The following EIF4E3 variants were observed in gnomAD, a reference collection of about 807,000 sequenced individuals.
EIF4E3 encodes eukaryotic translation initiation factor 4E family member 3.
EIF4E3 carries 26 observed loss-of-function variants against 31.7 expected under a neutral mutation model. The observed-to-expected ratio is 0.82, with a 90% CI of 0.60 to 1.14. EIF4E3 has a LOEUF of 1.14. EIF4E3 is among the 50% of genes most tolerant of loss of function. The pLI is 0.00. For missense variants in EIF4E3, 304 were observed against 270.9 expected (o/e 1.12, Z -0.86); for synonymous variants, 128 against 107.7 (o/e 1.19, Z -1.17).
intron 1 of EIF4E3, among the ~76,000 whole-genome samples, chr3:71,712,718 T>A (rs903669893): frequency 4.6e-5 from 7 of 152,056 alleles, no homozygotes; most frequent in Non-Finnish European, 7.4e-5. Context: ...TTCAAAAAAA[T>A]TTTTTTAACT....
chr3:71,747,642 TTTTTC>T (rs2049887108), intron 1 of EIF4E3, among the ~76,000 whole-genome samples: 1 of 152,198 alleles, frequency 6.6e-6, no homozygotes, highest in Non-Finnish European at 1.5e-5. Flanking sequence ...TTTATGTATT[TTTTTC>T]TTTTGTCACC....
chr3:71,729,928 C>T (rs1273390307), upstream of EIF4E3, among the ~76,000 whole-genome samples: 2 of 151,812 alleles, frequency 1.3e-5, no homozygotes, highest in Non-Finnish European at 2.9e-5. Flanking sequence ...GAGAAGTTTC[C>T]TGTTTACAGG....
rs1033091460 is a variant in EIF4E3, at chr3:71,680,361, G to GT, written c.*4320dup. ...TGGGGTCAAGAAATGTGAATAATAA[G>GT]TAAGTATCTGAGTGATTTTGCTGCA... On this transcript the variant is annotated 3_prime_UTR_variant, in exon 7 of 7. Transcript: ENST00000425534. The GT allele has an allele frequency of 2.2e-4, 34 of 152,310 alleles. No individual in the cohort carries two copies. The highest frequency in any genetic ancestry group is 8.2e-4 in the African/African-American group (34 of 41,570). 9.4% of individuals were successfully genotyped at this position (152,310 alleles called of 1,614,324 possible).
the EIF4E3 span, among the ~76,000 whole-genome samples, chr3:71,664,114 C>G: frequency 6.6e-6 from 1 of 152,118 alleles, no homozygotes; most frequent in Non-Finnish European, 1.5e-5. Context: ...AATGGAGGAT[C>G]AGGACTTTAT....
At chr3:71,721,375 G>A (rs1193595787) in intron 1 of EIF4E3, among the ~76,000 whole-genome samples, 8 of 152,160 alleles carry the variant, frequency 5.3e-5, no homozygotes, top group African/African-American at 1.9e-4. Flanking sequence ...ATGCTATGGA[G>A]AAAATAAAAC....
chr3:71,735,820 G>T (rs925325500), intron 1 of EIF4E3, among the ~76,000 whole-genome samples: 22 of 151,600 alleles, frequency 1.5e-4, no homozygotes, highest in Non-Finnish European at 2.6e-4. Flanking sequence ...CAAAAAATGA[G>T]AAGAAAACAT....
intron 2 of EIF4E3, among the ~76,000 whole-genome samples, chr3:71,705,166 T>C (rs144199901): frequency 3.3e-5 from 5 of 152,264 alleles, no homozygotes; most frequent in East Asian, 1.9e-4. Flanking sequence ...CCACACACCA[T>C]GGGCTGTCTT....
At chr3:71,750,196 T>C (rs1397088819) in intron 1 of EIF4E3, among the ~76,000 whole-genome samples, 1 of 152,228 alleles carries the variant, frequency 6.6e-6, no homozygotes, top group Non-Finnish European at 1.5e-5. Flanking sequence ...CATAATCACT[T>C]AACTTCCATT....
At chr3:71,707,046 A>G (rs759522165) in intron 2 of EIF4E3, among the ~76,000 whole-genome samples, 240 of 152,358 alleles carry the variant, frequency 1.6e-3, no homozygotes, top group Non-Finnish European at 2.5e-3. Flanking sequence ...GATCCAGAGT[A>G]TAATCACTTG....
intron 1 of EIF4E3, among the ~76,000 whole-genome samples, chr3:71,724,231 C>T (rs1416324006): frequency 6.6e-6 from 1 of 152,158 alleles, no homozygotes; most frequent in Non-Finnish European, 1.5e-5. Context: ...TGCATTCATC[C>T]ATCTATTCAT....
chr3:71,708,968 G>A (rs2049335235), intron 2 of EIF4E3, among the ~76,000 whole-genome samples: 1 of 152,152 alleles, frequency 6.6e-6, no homozygotes, highest in South Asian at 2.1e-4. Flanking sequence ...AGTCAGGACT[G>A]TGTCTTCACA....
At chr3:71,754,423 C>T, upstream of EIF4E3, 1 of 1,356,182 alleles carries the variant, frequency 7.4e-7, no homozygotes, top group South Asian at 1.7e-5. This position sits in a 1 kb window ranked among gnomAD's most constrained non-coding sequence, Gnocchi z 5.8. Context: ...CTGGCCATCG[C>T]GCACCACCGC....
chr3:71,705,246 A>C (rs2049272851), intron 2 of EIF4E3, among the ~76,000 whole-genome samples: 1 of 152,092 alleles, frequency 6.6e-6, no homozygotes, highest in Non-Finnish European at 1.5e-5. Flanking sequence ...ACTGACCTAG[A>C]AAACCTCTTC....
chr3:71,699,857 C>T, intron 2 of EIF4E3, 149 bp from the exon 3 acceptor site: 1 of 649,802 alleles, frequency 1.5e-6, no homozygotes. Context: ...CCTTCTAATT[C>T]TCTGTTAGAA....
At chr3:71,725,687 C>T (rs2049629200), upstream of EIF4E3, among the ~76,000 whole-genome samples, 1 of 151,668 alleles carries the variant, frequency 6.6e-6, no homozygotes, top group Non-Finnish European at 1.5e-5. The surrounding 1 kb of genome is among the most constrained non-coding windows in gnomAD (Gnocchi z 6.1). Context: ...GGCTAGAGGG[C>T]CCACGGGGGT....
At chr3:71,661,110 T>C in the EIF4E3 span, among the ~76,000 whole-genome samples, 2 of 152,004 alleles carry the variant, frequency 1.3e-5, no homozygotes, top group Non-Finnish European at 2.9e-5. Flanking sequence ...CTTTTAAATA[T>C]AATAATTGTT....
chr3:71,722,454 A>G (rs1399127845), intron 1 of EIF4E3, among the ~76,000 whole-genome samples: 1 of 152,210 alleles, frequency 6.6e-6, no homozygotes, highest in Non-Finnish European at 1.5e-5. Context: ...GCGGGTCACC[A>G]TAAGATCAAA....
At chr3:71,698,733 G>GT (rs2049174333) in intron 3 of EIF4E3, among the ~76,000 whole-genome samples, 1 of 152,208 alleles carries the variant, frequency 6.6e-6, no homozygotes, top group Admixed American at 6.5e-5. Context: ...CTTACAGGGT[G>GT]TAAGACCAGA....
At chr3:71,707,872 T>A (rs1486371923) in intron 2 of EIF4E3, among the ~76,000 whole-genome samples, 2 of 92,894 alleles carry the variant, frequency 2.2e-5, no homozygotes, top group Admixed American at 9.3e-5. Context: ...TAATTCATTC[T>A]TTTTTTTTTT....
Sources: gnomAD v4.1 joint callset for allele counts (sites outside exome capture counted in the v4.1 genomes callset) on GRCh38, gnomAD v4.1.1 for gene constraint, Gnocchi (gnomAD v3.1) non-coding constraint, MANE v1.5 for transcripts, NCBI Gene and HGNC (gene_info 2026-07-23, HGNC 2026-07-21) for gene names.